Variants in CRYBB3 observed in about 807,000 individuals in gnomAD.
The protein encoded by CRYBB3 is crystallin beta B3, also known as beta-crystallin B3.
CRYBB3 carries 35 observed loss-of-function variants against 28.3 expected under a neutral mutation model. The ratio of observed to expected loss-of-function variants is 1.24; its 90% CI spans 0.95 to 1.64. The LOEUF (loss-of-function observed/expected upper bound fraction) is 1.64. Ranked by LOEUF, CRYBB3 falls within the 40% of genes most tolerant of loss-of-function variation. The pLI, the probability that CRYBB3 is intolerant of heterozygous loss-of-function variation, is 0.00. For missense variants in CRYBB3, 296 were observed against 297.4 expected, an observed-to-expected ratio of 1.00 and a Z score of 0.04; for synonymous variants, 106 against 110.4, an observed-to-expected ratio of 0.96 and a Z score of 0.25.
chr22:25,204,019 G>A (rs1601407825), intron 4 of CRYBB3, 124 bp downstream of exon 4: 2 of 1,188,390 alleles, frequency 1.7e-6, no homozygotes, highest in Non-Finnish European at 2.5e-6. Context: ...CCTGGGAAGG[G>A]CCCTCATGTT....
intron 1 of CRYBB3, 37 bp from the exon 2 acceptor site, chr22:25,201,340 G>A (rs1012305716): frequency 6.2e-6 from 10 of 1,607,190 alleles, no homozygotes; most frequent in African/African-American, 4.0e-5. Flanking sequence ...GGCTTCTCCC[G>A]GGTGGATCCA....
intron 3 of CRYBB3, 32 bp from the exon 4 acceptor site, chr22:25,203,731 A>G (rs1934984454): frequency 2.5e-6 from 4 of 1,613,910 alleles, no homozygotes; most frequent in Non-Finnish European, 3.4e-6. Flanking sequence ...GCTGCAGCAA[A>G]GGTGACCCAG....
Position 25,205,254 on chromosome 22 carries a change from AC to A in CRYBB3, c.365del (p.Pro122GlnfsTer10), listed in dbSNP as rs771028354. 1.9e-6 allele frequency: 3 copies of A among 1,613,936 alleles called. 1 individual carries two copies. In the South Asian group the frequency reaches 3.3e-5, roughly 18 times the overall value. On this transcript the variant is annotated frameshift_variant, in exon 5 of 6. Coordinates refer to ENST00000215855, the MANE Select transcript of CRYBB3 (RefSeq NM_004076.5). LOFTEE classifies it high-confidence loss of function. ...CATCACAAGCTGCATCTGTTTGAGA[AC>A]CCAGCTTTCAGTGGCCGCAAGATGG... is the stretch of plus-strand genomic sequence containing the variant. The part of the protein sequence containing the change: ...SPHHKLHLFE[N>X]PAFSGRKMEI...
At chr22:25,205,080 T>A in intron 4 of CRYBB3, 140 bp from the exon 5 acceptor site, 1 of 1,115,440 alleles carries the variant, frequency 9.0e-7, no homozygotes, top group Non-Finnish European at 1.3e-6. Context: ...AGGCATCTCC[T>A]GAGGCCCTTC....
intron 1 of CRYBB3, 123 bp from the exon 2 acceptor site, chr22:25,201,254 G>A (rs949401181): frequency 9.7e-5 from 150 of 1,539,006 alleles, no homozygotes; most frequent in Non-Finnish European, 8.9e-5. Flanking sequence ...ACTGAATGTC[G>A]ATCATAAGTT....
chr22:25,206,135 G>T (rs759009082), intron 5 of CRYBB3, among the ~76,000 whole-genome samples: 3 of 152,106 alleles, frequency 2.0e-5, no homozygotes, highest in Admixed American at 1.3e-4. Flanking sequence ...CTGGGGTTGG[G>T]CCTTGAGAGG....
intron 2 of CRYBB3, among the ~76,000 whole-genome samples, chr22:25,202,404 C>T (rs1055232729): frequency 2.6e-5 from 4 of 152,228 alleles, no homozygotes; most frequent in Admixed American, 1.3e-4. Context: ...TCCCCACCGA[C>T]CTCTCGGGTT....
chr22:25,204,647 G>A (rs1414519976), intron 4 of CRYBB3, among the ~76,000 whole-genome samples: 1 of 152,164 alleles, frequency 6.6e-6, no homozygotes, highest in Non-Finnish European at 1.5e-5. Context: ...TGAACTTCTG[G>A]CCTCAAGTGA....
intron 5 of CRYBB3, 79 bp downstream of exon 5, chr22:25,205,441 G>A: frequency 6.9e-7 from 1 of 1,453,066 alleles, no homozygotes; most frequent in Non-Finnish European, 9.2e-7. Context: ...AGTGCCCATA[G>A]TTTCTTATTA....
At chr22:25,203,614 C>A (rs1300951780) in intron 3 of CRYBB3, 149 bp from the exon 4 acceptor site, 3 of 847,816 alleles carry the variant, frequency 3.5e-6, no homozygotes, top group Non-Finnish European at 5.7e-6. Flanking sequence ...CCTAGCAGCT[C>A]CTTTAATTAC....
At position 25,202,733 on chromosome 22, in the gene CRYBB3, C is replaced by T. The variant is rs2072321230; in HGVS notation, c.135C>T (p.Cys45=). ...AACGCTGCGAGCTCTCGGCCGAGTG[C>T]CCCAGCCTGACCGACAGCCTGCTGG... ...QGKRCELSAE[C]PSLTDSLLEK... is the part of the protein sequence containing the mutation. The change falls in exon 3 of 6, where the codon TGC becomes TGT. Residue 45 remains cysteine (C), a synonymous_variant. Coordinates refer to ENST00000215855, the MANE Select transcript of CRYBB3 (RefSeq NM_004076.5). 1 of 1,614,024 alleles carries T rather than the reference C, an allele frequency of 6.2e-7. No individual in the cohort carries two copies. Among genetic ancestry groups the T allele is most frequent in the Non-Finnish European group, 8.5e-7 (1 of 1,179,990 alleles).
chr22:25,204,107 C>G (rs997156857), intron 4 of CRYBB3, among the ~76,000 whole-genome samples: 1 of 152,200 alleles, frequency 6.6e-6, no homozygotes, highest in East Asian at 1.9e-4. Context: ...CACCAGGACT[C>G]ACATCTTGAA....
chr22:25,202,217 T>C (rs572507965), intron 2 of CRYBB3, among the ~76,000 whole-genome samples: 72 of 152,326 alleles, frequency 4.7e-4, no homozygotes, highest in African/African-American at 1.7e-3. Flanking sequence ...TGGTCTGCCT[T>C]TGCAGCCCTT....
chr22:25,206,974 A>G (rs1372672939), intron 5 of CRYBB3, 73 bp from the exon 6 acceptor site: 22 of 1,124,026 alleles, frequency 2.0e-5, no homozygotes, highest in African/African-American at 4.6e-5. Context: ...GGCAGAGTGC[A>G]TGGTCAGATG....
chr22:25,204,030 T>A (rs564651735), intron 4 of CRYBB3, 135 bp downstream of exon 4: 1 of 1,101,610 alleles, frequency 9.1e-7, no homozygotes, highest in East Asian at 2.4e-5. Context: ...CCCTCATGTT[T>A]CTGATTTGAA....
At chr22:25,202,454 C>T (rs1040337623) in intron 2 of CRYBB3, among the ~76,000 whole-genome samples, 3 of 152,240 alleles carry the variant, frequency 2.0e-5, no homozygotes, top group Non-Finnish European at 4.4e-5. Flanking sequence ...TCCTGCTGGA[C>T]ATCAGAGTTG....
rs1934944558 is a variant in CRYBB3, at chr22:25,201,391, G to A, written c.-6G>A. ...TTGGTTTGAAGCCAGAGGTGTTCCT[G>A]GGGAGATGGCGGAACAGCACGGAGC... On this transcript the variant is annotated 5_prime_UTR_variant, in exon 2 of 6. Transcript: ENST00000215855. 1 of 1,613,184 alleles carries A rather than the reference G, an allele frequency of 6.2e-7. No individual in the cohort carries two copies. Among genetic ancestry groups the A allele is most frequent in the Non-Finnish European group, 8.5e-7 (1 of 1,179,456 alleles).
intron 2 of CRYBB3, among the ~76,000 whole-genome samples, chr22:25,202,133 C>A (rs1934957720): frequency 1.3e-5 from 2 of 152,106 alleles, no homozygotes; most frequent in African/African-American, 4.8e-5. Context: ...TGTAAAATGA[C>A]TAGAACAGAT....
chr22:25,205,307 C>A lies in CRYBB3; in HGVS notation c.415C>A (p.Leu139Met). 6.2e-7 allele frequency: 1 copy of A among 1,614,172 alleles called. No homozygotes were observed. The highest frequency in any genetic ancestry group is 8.5e-7 in the Non-Finnish European group (1 of 1,180,030). The part of the protein sequence containing the change: ...MEIVDDDVPS[L>M]WAHGFQDRVA... ...GATAGTGGATGATGACGTGCCCAGC[C>A]TGTGGGCTCATGGCTTCCAGGACCG... The change falls in exon 5 of 6, where the codon CTG becomes ATG. Residue 139 changes from leucine to methionine, a missense_variant. Transcript: ENST00000215855.
Sources: gnomAD v4.1 joint callset for allele counts (sites outside exome capture counted in the v4.1 genomes callset) on GRCh38, gnomAD v4.1.1 for gene constraint, MANE v1.5 for transcripts, NCBI Gene and HGNC (gene_info 2026-07-23, HGNC 2026-07-21) for gene names.